Variants in CTNNAL1 observed in about 807,000 individuals in gnomAD.
CTNNAL1 encodes catenin alpha like 1.
A neutral mutation model predicts 93.6 loss-of-function variants in CTNNAL1; 69 were observed. That is an observed-to-expected ratio of 0.74 (90% CI 0.61 to 0.90). The LOEUF is 0.90. Ranked by LOEUF, CTNNAL1 falls within the 40% of genes least tolerant of loss-of-function variation. The pLI is 0.00. For missense variants in CTNNAL1, 836 were observed against 862.0 expected (o/e 0.97, Z 0.38); for synonymous variants, 286 against 305.4 (o/e 0.94, Z 0.66).
intron 4 of CTNNAL1, among the ~76,000 whole-genome samples, chr9:108,990,050 C>A (rs1255134728): frequency 2.0e-5 from 3 of 151,784 alleles, no homozygotes; most frequent in Non-Finnish European, 4.4e-5. Context: ...GACTCCATCT[C>A]AGAAAAAATA....
chr9:108,949,158 C>T (rs28361171), intron 14 of CTNNAL1, among the ~76,000 whole-genome samples: 4 of 152,006 alleles, frequency 2.6e-5, no homozygotes, highest in Non-Finnish European at 4.4e-5. Flanking sequence ...ATAAATCTGC[C>T]CAGGAAAACT....
intron 14 of CTNNAL1, among the ~76,000 whole-genome samples, chr9:108,949,513 TC>T (rs1284795673): frequency 2.0e-5 from 3 of 151,978 alleles, no homozygotes; most frequent in Admixed American, 6.5e-5. Flanking sequence ...TTTGAGACCA[TC>T]CTGGCTAACA....
At chr9:108,971,838 G>C (rs775349576) in intron 9 of CTNNAL1, among the ~76,000 whole-genome samples, 1 of 152,088 alleles carries the variant, frequency 6.6e-6, no homozygotes, top group Non-Finnish European at 1.5e-5. Context: ...AGCCTAACTG[G>C]AATTATAACA....
rs1440185595 is a variant in CTNNAL1 at position 109,013,484 on chromosome 9, G to C, written c.-42C>G. 3 of 1,320,964 alleles carry C rather than the reference G, an allele frequency of 2.3e-6. No individual in the cohort carries two copies. The highest frequency in any genetic ancestry group is 2.9e-6 in the Non-Finnish European group (3 of 1,030,378). The allele number at this position is 1,320,964 out of a possible 1,614,324, so 81.8% of individuals were successfully genotyped here. A position where few individuals can be genotyped will look rare whatever the true frequency, so the allele number is the denominator to read the frequency against. ...CGCAGCCGGGACTCCGCGCCGCGGCGAGCCTGCCGCCAGTCAGCCCACCCG... is the reference window on the plus strand; with the variant it reads ...CGCAGCCGGGACTCCGCGCCGCGGCCAGCCTGCCGCCAGTCAGCCCACCCG... On this transcript the variant is annotated 5_prime_UTR_variant, in exon 1 of 19. Transcript: ENST00000325551.
At chr9:108,959,567 A>T (rs1326974044) in intron 11 of CTNNAL1, among the ~76,000 whole-genome samples, 1 of 151,796 alleles carries the variant, frequency 6.6e-6, no homozygotes, top group East Asian at 1.9e-4. Flanking sequence ...ACAAAGTGAG[A>T]CCCTGTCTCC....
chr9:109,011,674 G>C (rs964648593), intron 1 of CTNNAL1, among the ~76,000 whole-genome samples: 1 of 152,154 alleles, frequency 6.6e-6, no homozygotes, highest in Non-Finnish European at 1.5e-5. Context: ...GAACCTTCTG[G>C]AGCCAGGGTA....
At chr9:109,008,099 CCAGTTTTGGGCCAT>C (rs1429288964) in intron 1 of CTNNAL1, among the ~76,000 whole-genome samples, 1 of 151,076 alleles carries the variant, frequency 6.6e-6, no homozygotes, top group Admixed American at 6.6e-5. Flanking sequence ...TGGGAAGTTT[CCAGTTTTGGGCCAT>C]CAGAAGTAAA....
chr9:109,001,254 T>C (rs925436204), intron 1 of CTNNAL1, among the ~76,000 whole-genome samples: 1 of 149,196 alleles, frequency 6.7e-6, no homozygotes, highest in African/African-American at 2.5e-5. Context: ...AACTAGAAAA[T>C]ACTATAAACT....
chr9:108,972,682 A>T lies in CTNNAL1; in HGVS notation c.1340T>A (p.Leu447His), dbSNP rs575874638. ...ACKLSEQKEQ[L>H]VETCRLLRHI... ...AGCACCTTGTTTACTCACCTCAACA[A>T]GCTGCTCTTTCTGTTCAGAGAGTTT... The change falls in exon 9 of 19, where the codon CTT becomes CAT. Residue 447 changes from leucine (L) to histidine (H), a missense_variant. Leu to His is a moderately conservative substitution (Grantham distance 99, BLOSUM62 -3). Transcript: ENST00000325551. The T allele has an allele frequency of 6.2e-7, 1 of 1,611,622 alleles. No individual in the cohort carries two copies. The highest frequency in any genetic ancestry group is 2.2e-5 in the East Asian group (1 of 44,856).
At chr9:109,002,020 G>A (rs1168360760) in intron 1 of CTNNAL1, among the ~76,000 whole-genome samples, 6 of 152,168 alleles carry the variant, frequency 3.9e-5, no homozygotes, top group Non-Finnish European at 5.9e-5. Flanking sequence ...AACTTCGAGC[G>A]AATAAAAACT....
chr9:108,977,571 A>G (rs1750522260), intron 7 of CTNNAL1, among the ~76,000 whole-genome samples: 1 of 152,134 alleles, frequency 6.6e-6, no homozygotes, highest in South Asian at 2.1e-4. Flanking sequence ...TTATTTTTTC[A>G]GTCCAAACCA....
chr9:108,991,120 G>A (rs1465313643), intron 3 of CTNNAL1, among the ~76,000 whole-genome samples: 1 of 152,188 alleles, frequency 6.6e-6, no homozygotes, highest in African/African-American at 2.4e-5. Context: ...CATATACAAA[G>A]GAAGGGATCA....
At chr9:108,950,586 AC>A in intron 14 of CTNNAL1, 2 of 1,550,070 alleles carry the variant, frequency 1.3e-6, no homozygotes, top group Non-Finnish European at 1.7e-6. Context: ...CATCTTCCCC[AC>A]TCTTAATCCT....
chr9:108,974,599 C>T (rs1831207860), intron 8 of CTNNAL1, among the ~76,000 whole-genome samples: 1 of 152,102 alleles, frequency 6.6e-6, no homozygotes, highest in South Asian at 2.1e-4. Context: ...TTTCGGAGGC[C>T]AAGGCAGAAA....
chr9:108,991,165 A>G (rs913676172), intron 3 of CTNNAL1, among the ~76,000 whole-genome samples: 2 of 152,252 alleles, frequency 1.3e-5, no homozygotes, highest in African/African-American at 4.8e-5. Flanking sequence ...GGGAATGGGC[A>G]GGACCACAGT....
intron 2 of CTNNAL1, among the ~76,000 whole-genome samples, chr9:108,997,868 A>G (rs995413364): frequency 6.6e-6 from 1 of 152,122 alleles, no homozygotes; most frequent in Non-Finnish European, 1.5e-5. Context: ...CACTGTGACA[A>G]CCTCCTAACT....
chr9:108,972,864 G>GGGGGGGGGCGCCCCCCCCC, intron 8 of CTNNAL1, 31 bp from the exon 9 acceptor site: 6 of 142,554 alleles, frequency 4.2e-5, no homozygotes, highest in Non-Finnish European at 5.0e-5. Flanking sequence ...GGGGGGGTGG[G>GGGGGGGGGCGCCCCCCCCC]AGGGTGGAGA....
intron 1 of CTNNAL1, among the ~76,000 whole-genome samples, chr9:109,008,749 T>C (rs2132223878): frequency 1.3e-5 from 2 of 152,254 alleles, no homozygotes; most frequent in East Asian, 1.9e-4. Context: ...ATGGCTAATC[T>C]TTTTATTTTT....
chr9:108,990,000 G>A (rs927286348), intron 4 of CTNNAL1, among the ~76,000 whole-genome samples: 1 of 152,208 alleles, frequency 6.6e-6, no homozygotes, highest in East Asian at 1.9e-4. Context: ...GCAGTGAGCC[G>A]TGATCACGAC....
Sources: allele counts gnomAD v4.1 joint callset (sites outside exome capture counted in the v4.1 genomes callset), GRCh38; gene constraint gnomAD v4.1.1; transcripts MANE v1.5; gene names NCBI Gene and HGNC (gene_info 2026-07-23, HGNC 2026-07-21).